The following ARHGEF7 variants were observed in gnomAD, a reference collection of about 807,000 sequenced individuals.
ARHGEF7 encodes PAK-interacting exchange factor beta.
Under a neutral mutation model 109.8 loss-of-function variants are expected in ARHGEF7, and 33 were observed. The observed-to-expected ratio is 0.30, with a 90% CI of 0.23 to 0.40. The LOEUF (loss-of-function observed/expected upper bound fraction) is 0.40, where lower values mean the gene tolerates loss of function less well. Among genes scored for constraint, ARHGEF7 ranks in the 10% least tolerant of loss-of-function variants. ARHGEF7 has a pLI of 1.00. For synonymous variants in ARHGEF7, 458 were observed against 424.6 expected (o/e 1.08, Z -0.97); for missense variants, 938 against 1,098.5 (o/e 0.85, Z 2.07).
At chr13:111,217,308 A>T (rs1225483592) in intron 4 of ARHGEF7, among the ~76,000 whole-genome samples, 2 of 152,240 alleles carry the variant, frequency 1.3e-5, no homozygotes, top group African/African-American at 4.8e-5. Flanking sequence ...TGGTATAGTC[A>T]TATAGCATAA....
Position 111,233,198 on chromosome 13 carries a change from A to G in ARHGEF7, c.671-7A>G, listed in dbSNP as rs778003304. ...ATCAGTAAAACTATGTTACATTTTCATTTCAGAGAAGCCTGTGTCTCCCAA... is the reference window on the plus strand; with the variant it reads ...ATCAGTAAAACTATGTTACATTTTCGTTTCAGAGAAGCCTGTGTCTCCCAA... On this transcript the variant is annotated splice_polypyrimidine_tract_variant and splice_region_variant and intron_variant, in intron 5 of 21. Transcript: ENST00000646102. The G allele has an allele frequency of 4.3e-6, 7 of 1,611,854 alleles. No homozygotes were observed. The East Asian group carries it at 1.3e-4, about 31-fold the overall frequency.
Position 111,115,458 on chromosome 13 carries a change from C to G in ARHGEF7, c.-69C>G, listed in dbSNP as rs1024818098. The G allele has an allele frequency of 1.0e-5, 10 of 979,692 alleles. No individual in the cohort carries two copies. The highest frequency in any genetic ancestry group is 1.1e-4 in the East Asian group (1 of 8,968). The allele number at this position is 979,692 out of a possible 1,614,324, so 60.7% of individuals were successfully genotyped here. A position where few individuals can be genotyped will look rare whatever the true frequency, so the allele number is the denominator to read the frequency against. The stretch of plus-strand genomic sequence containing the variant: ...GAGGCGGCGGCGGCGGCGGCGGGGG[C>G]CGCGGGCCGGGCCGCCGCTCCGAGG... On this transcript the variant is annotated 5_prime_UTR_variant, in exon 1 of 22. Coordinates refer to ENST00000646102, the MANE Select transcript of ARHGEF7 (RefSeq NM_001354046.2).
chr13:111,300,485 T>C (rs2093539165), intron 19 of ARHGEF7, among the ~76,000 whole-genome samples: 1 of 151,946 alleles, frequency 6.6e-6, no homozygotes, highest in African/African-American at 2.4e-5. Flanking sequence ...AATGCTGGGG[T>C]TTCAACAATC....
chr13:111,277,510 T>G, intron 12 of ARHGEF7, 77 bp from the exon 13 acceptor site: 1 of 884,312 alleles, frequency 1.1e-6, no homozygotes, highest in Non-Finnish European at 1.9e-6. Flanking sequence ...CTAGTATAAA[T>G]AAGTGAAGTA....
chr13:111,218,612 T>C (rs1378666889), intron 5 of ARHGEF7, among the ~76,000 whole-genome samples: 1 of 152,142 alleles, frequency 6.6e-6, no homozygotes. Flanking sequence ...TTACAGAGAA[T>C]AGCTGATACA....
chr13:111,178,007 T>G (rs1276377576), intron 2 of ARHGEF7, among the ~76,000 whole-genome samples: 1 of 152,242 alleles, frequency 6.6e-6, no homozygotes, highest in Non-Finnish European at 1.5e-5. Context: ...CTGTGTTCAC[T>G]CAGTGCCTGT....
chr13:111,256,747 T>G (rs184920928), intron 8 of ARHGEF7, among the ~76,000 whole-genome samples: 146 of 152,306 alleles, frequency 9.6e-4, no homozygotes, highest in African/African-American at 3.4e-3. Flanking sequence ...GAGCTACCTC[T>G]TCTGTGCCTG....
chr13:111,117,801 A>G (rs1405505828), intron 1 of ARHGEF7, among the ~76,000 whole-genome samples: 5 of 150,812 alleles, frequency 3.3e-5, no homozygotes, highest in African/African-American at 1.2e-4. Context: ...GCCTCAAGGG[A>G]TTGTCCCATC....
At chr13:111,250,707 CCTGA>C (rs993305102) in intron 8 of ARHGEF7, among the ~76,000 whole-genome samples, 89 of 152,318 alleles carry the variant, frequency 5.8e-4, no homozygotes, top group African/African-American at 2.0e-3. Flanking sequence ...TATACTCCTA[CCTGA>C]CTGAGTACAG....
At chr13:111,270,983 G>A (rs184732286) in intron 9 of ARHGEF7, among the ~76,000 whole-genome samples, 121 of 152,298 alleles carry the variant, frequency 7.9e-4, no homozygotes, top group South Asian at 3.1e-3. Context: ...CAGGCTGCCC[G>A]TGGTCAGAGG....
intron 1 of ARHGEF7, among the ~76,000 whole-genome samples, chr13:111,150,394 C>T (rs2075828552): frequency 6.6e-6 from 1 of 152,216 alleles, no homozygotes. Flanking sequence ...CCATCTCATC[C>T]AGGTTTTTGT....
intron 5 of ARHGEF7, among the ~76,000 whole-genome samples, chr13:111,224,193 T>G (rs1259918191): frequency 6.6e-6 from 1 of 150,732 alleles, no homozygotes; most frequent in African/African-American, 2.4e-5. Context: ...TATTTGTGTT[T>G]CACACCCACC....
intron 2 of ARHGEF7, chr13:111,203,158 C>T (rs2081382570): frequency 8.4e-7 from 1 of 1,191,074 alleles, no homozygotes; most frequent in Non-Finnish European, 1.1e-6. Flanking sequence ...TTGTAGTATA[C>T]AAAATTGACA....
Position 111,273,375 on chromosome 13 carries a change from G to A in ARHGEF7, c.1074-439G>A, listed in dbSNP as rs914053188. 3.3e-5 allele frequency among the ~76,000 whole-genome samples: 5 copies of A among 152,252 alleles called. No homozygotes were observed. Among genetic ancestry groups the A allele is most frequent in the Admixed American group, 1.3e-4 (2 of 15,292 alleles). On this transcript the variant is annotated intron_variant, in intron 9 of 21. Transcript: ENST00000646102. This position sits in a 1 kb window ranked among gnomAD's most constrained non-coding sequence, Gnocchi z 4.5. The stretch of plus-strand genomic sequence containing the variant: ...TGGGGCCTGCTCGCTGGACGAACTC[G>A]CATCTGGGGATGACTACCATCAGTG...
At chr13:111,259,512 A>G (rs542826600) in intron 8 of ARHGEF7, among the ~76,000 whole-genome samples, 24 of 152,314 alleles carry the variant, frequency 1.6e-4, no homozygotes, top group Admixed American at 2.6e-4. Context: ...GGTGGTTCCT[A>G]TGTGAATCAG....
chr13:111,238,800 G>C (rs1207088407), intron 6 of ARHGEF7, among the ~76,000 whole-genome samples: 1 of 152,136 alleles, frequency 6.6e-6, no homozygotes, highest in Non-Finnish European at 1.5e-5. Flanking sequence ...TGACTGGGAA[G>C]ACACAGTCCT....
intron 8 of ARHGEF7, among the ~76,000 whole-genome samples, chr13:111,250,133 A>G (rs2089538993): frequency 6.6e-6 from 1 of 152,232 alleles, no homozygotes; most frequent in Non-Finnish European, 1.5e-5. Flanking sequence ...CATCAGCTGT[A>G]GAGGGCTCCT....
chr13:111,224,007 C>A (rs992544362), intron 5 of ARHGEF7, among the ~76,000 whole-genome samples: 1 of 152,094 alleles, frequency 6.6e-6, no homozygotes, highest in African/African-American at 2.4e-5. Context: ...CAGGTGCCCG[C>A]CACCACGCCC....
chr13:111,190,508 A>C (rs577536404), intron 2 of ARHGEF7, among the ~76,000 whole-genome samples: 2 of 152,296 alleles, frequency 1.3e-5, no homozygotes, highest in East Asian at 3.9e-4. Flanking sequence ...GGGATTGTAG[A>C]GTAAGGATAG....
Sources: gnomAD v4.1 joint callset for allele counts (sites outside exome capture counted in the v4.1 genomes callset) on GRCh38, gnomAD v4.1.1 for gene constraint, Gnocchi (gnomAD v3.1) non-coding constraint, MANE v1.5 for transcripts, NCBI Gene and HGNC (gene_info 2026-07-23, HGNC 2026-07-21) for gene names.